Variants in ZNF600 observed in about 807,000 individuals in gnomAD.
The protein encoded by ZNF600 is zinc finger protein KR-ZNF1.
Under a neutral mutation model 7.3 loss-of-function variants are expected in ZNF600, and 4 were observed. That is an observed-to-expected ratio of 0.55 (90% CI 0.27 to 1.25). The LOEUF (loss-of-function observed/expected upper bound fraction) is 1.25. Ranked by LOEUF, ZNF600 falls within the 50% of genes most tolerant of loss-of-function variation. The pLI, the probability that ZNF600 is intolerant of heterozygous loss-of-function variation, is 0.12. For synonymous variants in ZNF600, 290 were observed against 308.9 expected (o/e 0.94, Z 0.64); for missense variants, 911 against 922.1 (o/e 0.99, Z 0.16).
At chr19:52,831,559 A>G in the ZNF600 span, among the ~76,000 whole-genome samples, 94,496 of 150,164 alleles carry the variant, frequency 0.63, 30,442 homozygotes, top group African/African-American at 0.72. Context: ...CTGGAGTGCA[A>G]TGGTGCGATC....
At chr19:52,807,277 T>C in the ZNF600 span, among the ~76,000 whole-genome samples, 12 of 152,142 alleles carry the variant, frequency 7.9e-5, no homozygotes, top group Non-Finnish European at 1.3e-4. Context: ...TATGTTTCTG[T>C]AGGAAAGAAG....
chr19:52,787,062 T>C (rs1267755145), upstream of ZNF600, among the ~76,000 whole-genome samples: 1 of 152,234 alleles, frequency 6.6e-6, no homozygotes, highest in Non-Finnish European at 1.5e-5. Flanking sequence ...GAACATACGA[T>C]TTCATGCTGA....
At chr19:52,765,135 T>C in exon 4 of ZNF600, 1 of 409,102 alleles carries the variant, frequency 2.4e-6, no homozygotes, top group Non-Finnish European at 4.9e-6. Context: ...CTAGTGTCAA[T>C]TAATGCTTGA....
the ZNF600 span, among the ~76,000 whole-genome samples, chr19:52,817,556 C>T: frequency 2.4e-4 from 36 of 152,138 alleles, no homozygotes; most frequent in Middle Eastern, 3.4e-3. Context: ...GAATTGACCA[C>T]GTACTTTGTG....
Position 52,767,440 on chromosome 19 carries a change from T to A in ZNF600, c.523A>T (p.Lys175Ter), listed in dbSNP as rs377225803. Residue 175 changes from lysine (K) to a stop codon, truncating the protein, a stop_gained, in exon 4 of 4, where the codon AAA becomes TAA. Transcript: ENST00000648973. LOFTEE classifies it low-confidence loss of function (END_TRUNC). ...GACTTCTCAAATTGATTACCAATTTTACCTTTGATCTGAATTATGTGGAGT... is the reference window on the plus strand; with the variant it reads ...GACTTCTCAAATTGATTACCAATTTAACCTTTGATCTGAATTATGTGGAGT... 3 of 1,614,202 alleles carry A rather than the reference T, an allele frequency of 1.9e-6. No homozygotes were observed. Among genetic ancestry groups the A allele is most frequent in the Non-Finnish European group, 1.7e-6 (2 of 1,180,038 alleles).
intron 1 of ZNF600, among the ~76,000 whole-genome samples, chr19:52,781,775 A>G (rs1007934185): frequency 4.7e-5 from 7 of 150,398 alleles, no homozygotes; most frequent in African/African-American, 1.7e-4. Context: ...AAAAAAAAAA[A>G]ACAGCGGTCA....
At chr19:52,801,942 C>T in the ZNF600 span, among the ~76,000 whole-genome samples, 2 of 152,164 alleles carry the variant, frequency 1.3e-5, no homozygotes, top group African/African-American at 2.4e-5. Context: ...AGGGCACAAA[C>T]ATGTGTGAGC....
the ZNF600 span, among the ~76,000 whole-genome samples, chr19:52,832,541 G>C: frequency 6.6e-6 from 1 of 151,966 alleles, no homozygotes; most frequent in South Asian, 2.1e-4. Flanking sequence ...GTTGCAGTCA[G>C]CTGAGATCCC....
chr19:52,776,006 C>CAA (rs112283342), intron 2 of ZNF600, among the ~76,000 whole-genome samples: 45 of 121,776 alleles, frequency 3.7e-4, no homozygotes, highest in African/African-American at 1.4e-3. Context: ...ACTCTGACTC[C>CAA]AAAAAAAAAA....
chr19:52,779,351 A>T (rs1377855940), intron 1 of ZNF600, among the ~76,000 whole-genome samples: 5 of 152,228 alleles, frequency 3.3e-5, no homozygotes, highest in African/African-American at 9.6e-5. Context: ...CCATCAGAAT[A>T]AGAATCCCTG....
intron 1 of ZNF600, among the ~76,000 whole-genome samples, chr19:52,784,320 C>G (rs953239857): frequency 6.6e-6 from 1 of 152,148 alleles, no homozygotes; most frequent in Non-Finnish European, 1.5e-5. Context: ...GGAGGAGGAT[C>G]GCTTGAGCCT....
chr19:52,787,901 C>T (rs1369276559), upstream of ZNF600, among the ~76,000 whole-genome samples: 1 of 151,410 alleles, frequency 6.6e-6, no homozygotes. Flanking sequence ...AAATATCTCC[C>T]CTAGTTTGTC....
the ZNF600 span, among the ~76,000 whole-genome samples, chr19:52,824,601 C>T: frequency 6.6e-6 from 1 of 152,040 alleles, no homozygotes; most frequent in African/African-American, 2.4e-5. Context: ...TGCCACTGCA[C>T]TCCAGCCTGG....
At chr19:52,804,177 G>C in the ZNF600 span, among the ~76,000 whole-genome samples, 133,613 of 151,894 alleles carry the variant, frequency 0.88, 58,999 homozygotes, top group Middle Eastern at 0.91. Flanking sequence ...CTGGTCTAAA[G>C]CATGAAGAAG....
chr19:52,800,731 G>A, the ZNF600 span: 21 of 1,612,764 alleles, frequency 1.3e-5, 1 homozygote, highest in East Asian at 2.2e-5. Flanking sequence ...CTACGATGGC[G>A]TGCAAGGGTT....
At chr19:52,820,773 C>T in the ZNF600 span, among the ~76,000 whole-genome samples, 5 of 152,300 alleles carry the variant, frequency 3.3e-5, no homozygotes, top group Admixed American at 2.6e-4. Context: ...CTTTTCTCCT[C>T]CTGCTTTCTT....
chr19:52,827,989 A>G, the ZNF600 span, among the ~76,000 whole-genome samples: 9 of 152,170 alleles, frequency 5.9e-5, no homozygotes, highest in African/African-American at 1.9e-4. Context: ...GAGACAGGAT[A>G]ATCCACAAGG....
At position 52,772,907 on chromosome 19, in the gene ZNF600, G is replaced by A. The variant is rs560302721; in HGVS notation, c.190+1668C>T. ...AGCGCTGAGCTGCGCTGCTGACAGT[G>A]GTTCTGAAGCCATCCCTCATGGATC... is the stretch of plus-strand genomic sequence containing the variant. On this transcript the variant is annotated intron_variant, in intron 3 of 3. Transcript: ENST00000648973. Among the ~76,000 whole-genome samples, 1,312 of 152,270 alleles carry A rather than the reference G, an allele frequency of 8.6e-3. 8 individuals carry two copies. Among genetic ancestry groups the A allele is most frequent in the African/African-American group, 0.03 (1,246 of 41,492 alleles).
At chr19:52,814,516 C>T in the ZNF600 span, 3 of 146,012 alleles carry the variant, frequency 2.1e-5, no homozygotes, top group African/African-American at 5.3e-5. Flanking sequence ...ATCACTTGAA[C>T]CTGGGAGGCA....
Sources: gnomAD v4.1 joint callset for allele counts (sites outside exome capture counted in the v4.1 genomes callset) on GRCh38, gnomAD v4.1.1 for gene constraint, MANE v1.5 for transcripts, NCBI Gene and HGNC (gene_info 2026-07-23, HGNC 2026-07-21) for gene names.